URB1: variants seen among roughly 807,000 people sequenced by gnomAD.
URB1 encodes the protein URB1 ribosome biogenesis factor, also known as nucleolar pre-ribosomal-associated protein 1.
A neutral mutation model predicts 242.3 loss-of-function variants in URB1; 197 were observed. That is an observed-to-expected ratio of 0.81 (90% CI 0.72 to 0.91). The LOEUF is 0.91. Among genes scored for constraint, URB1 ranks in the 40% least tolerant of loss-of-function variants. The probability of loss-of-function intolerance (pLI) is 0.00; values close to 1 mark genes in which losing one functional copy is unlikely to be tolerated. For synonymous variants in URB1, 1,153 were observed against 1,201.8 expected, an observed-to-expected ratio of 0.96 and a Z score of 0.84; for missense variants, 2,721 against 2,860.5, an observed-to-expected ratio of 0.95 and a Z score of 1.11.
intron 22 of URB1, among the ~76,000 whole-genome samples, chr21:32,346,409 AG>A (rs1255739516): frequency 1.3e-5 from 2 of 152,274 alleles, no homozygotes; most frequent in African/African-American, 2.4e-5. Context: ...CATCAATGAT[AG>A]GAAGTTATGC....
intron 38 of URB1, 84 bp downstream of exon 38, chr21:32,316,382 T>C: frequency 1.4e-6 from 2 of 1,438,700 alleles, no homozygotes; most frequent in Non-Finnish European, 1.8e-6. Context: ...GAAACCTGAG[T>C]GTTCTAAGCA....
rs2032968844 is a variant in URB1, at chr21:32,337,148, A to G, written c.4631T>C (p.Ile1544Thr). 2 of 1,551,694 alleles carry G rather than the reference A, an allele frequency of 1.3e-6. No homozygotes were observed. The highest frequency in any genetic ancestry group is 1.4e-5 in the African/African-American group (1 of 73,014). ...CTCATACGCTCGAAGCAGAAGTAAAATCTTCTGATCTACAAGTCAAAGCAG... is the reference window on the plus strand; with the variant it reads ...CTCATACGCTCGAAGCAGAAGTAAAGTCTTCTGATCTACAAGTCAAAGCAG... ...GATLSVLDQK[I>T]LLLLRAYEQN... The change falls in exon 28 of 39, where the codon ATT becomes ACT. Residue 1544 changes from isoleucine to threonine, a missense_variant. By Grantham distance (89) the Ile-to-Thr change is moderately conservative. Coordinates refer to ENST00000382751, the MANE Select transcript of URB1 (RefSeq NM_014825.3).
intron 8 of URB1, among the ~76,000 whole-genome samples, chr21:32,368,871 T>A (rs2033375630): frequency 6.6e-6 from 1 of 152,162 alleles, no homozygotes; most frequent in African/African-American, 2.4e-5. Context: ...TTGAGTTCAA[T>A]TTGCTTTCTA....
intron 35 of URB1, among the ~76,000 whole-genome samples, chr21:32,320,190 G>A (rs2032747763): frequency 6.6e-6 from 1 of 152,200 alleles, no homozygotes; most frequent in African/African-American, 2.4e-5. Context: ...ATTCACTTCA[G>A]AGCACAGAAG....
rs143184446 is a variant in URB1 at position 32,354,574 on chromosome 21, C to G, written c.2245+285G>C. Among the ~76,000 whole-genome samples the G allele has an allele frequency of 9.8e-4, 150 of 152,292 alleles. No individual in the cohort carries two copies. The Middle Eastern group carries it at 0.01, about 10-fold the overall frequency. On this transcript the variant is annotated intron_variant, in intron 17 of 38. Transcript: ENST00000382751. The stretch of plus-strand genomic sequence containing the variant: ...ATATAAAATGAGTAGAATAATAATA[C>G]TCTTTTCTCTTGGGGTTGCTTATGA...
chr21:32,346,381 A>C (rs2033086304), intron 22 of URB1, among the ~76,000 whole-genome samples: 1 of 152,224 alleles, frequency 6.6e-6, no homozygotes, highest in Non-Finnish European at 1.5e-5. Context: ...GCACTGTCTT[A>C]CTTTTTAAAA....
chr21:32,342,154 AT>A (rs1306402651), intron 24 of URB1, among the ~76,000 whole-genome samples: 4 of 152,248 alleles, frequency 2.6e-5, no homozygotes, highest in South Asian at 2.1e-4. Context: ...TAGTCCTGTT[AT>A]TTTTTTCCTT....
rs569123456 is a variant in URB1 at position 32,326,596 on chromosome 21, G to A, written c.4961-1207C>T. Among the ~76,000 whole-genome samples the A allele has an allele frequency of 5.3e-5, 8 of 152,180 alleles. No homozygotes were observed. The South Asian group carries it at 1.7e-3, about 32-fold the overall frequency. ...GTGGGGACTCCGGTGGGAGGTGATT[G>A]GATCTCGGGGCAGATTTCCCCTTGC... On this transcript the variant is annotated intron_variant, in intron 30 of 38. Coordinates refer to ENST00000382751, the MANE Select transcript of URB1 (RefSeq NM_014825.3).
intron 18 of URB1, 68 bp downstream of exon 18, chr21:32,353,865 C>A: frequency 6.8e-7 from 1 of 1,474,420 alleles, no homozygotes; most frequent in Admixed American, 2.4e-5. Context: ...CCCCTGGAAT[C>A]CCACCTCCCA....
Position 32,317,053 on chromosome 21 carries a change from T to TC in URB1, c.6046dup (p.Asp2016GlyfsTer2), listed in dbSNP as rs1166428279. ...GGCTGGCATGACAGGCTTGTTCTTA[T>TC]CCTTGAGCATTTCTGTTAAATGCAC... On this transcript the variant is annotated frameshift_variant, in exon 38 of 39. Coordinates refer to ENST00000382751, the MANE Select transcript of URB1 (RefSeq NM_014825.3). LOFTEE classifies it high-confidence loss of function. 3 of 1,534,706 alleles carry TC rather than the reference T, an allele frequency of 2.0e-6. No individual in the cohort carries two copies. In the Admixed American group the frequency reaches 6.4e-5, roughly 33 times the overall value.
At position 32,385,577 on chromosome 21, in the gene URB1, G is replaced by A; in HGVS notation, c.250C>T (p.Leu84Phe). 3.2e-6 allele frequency: 5 copies of A among 1,552,016 alleles called. No individual in the cohort carries two copies. Among genetic ancestry groups the A allele is most frequent in the Non-Finnish European group, 4.4e-6 (5 of 1,147,062 alleles). Residue 84 changes from leucine (L) to phenylalanine (F), a missense_variant, in exon 2 of 39, where the codon CTC becomes TTC. Transcript: ENST00000382751. The stretch of plus-strand genomic sequence containing the variant: ...TCAGGTCGTTTCTCTCCACTTAGGA[G>A]CTGGAAAATTTCGACACACTCAACA... ...ISVECVEIFQ[L>F]LSGEKRPESE...
At chr21:32,372,999 A>G (rs1180522159) in intron 7 of URB1, among the ~76,000 whole-genome samples, 4 of 152,210 alleles carry the variant, frequency 2.6e-5, no homozygotes, top group African/African-American at 9.7e-5. Context: ...CTCCAAGATA[A>G]AAGGAGGTGA....
chr21:32,361,668 T>C (rs2033289860), intron 12 of URB1, among the ~76,000 whole-genome samples: 1 of 152,220 alleles, frequency 6.6e-6, no homozygotes, highest in African/African-American at 2.4e-5. Flanking sequence ...GACACAGTGC[T>C]CGCATAAAGA....
chr21:32,369,975 CAAAAAAA>C (rs34377037), intron 8 of URB1, among the ~76,000 whole-genome samples: 1 of 88,556 alleles, frequency 1.1e-5, no homozygotes, highest in East Asian at 3.3e-4. Context: ...GTCTCCATCT[CAAAAAAA>C]AAAAAAAAAA....
At position 32,347,671 on chromosome 21, in the gene URB1, C is replaced by A. The variant is rs1357218032; in HGVS notation, c.3153G>T (p.Gly1051=). 1.3e-6 allele frequency: 2 copies of A among 1,551,544 alleles called. No individual in the cohort carries two copies. The highest frequency in any genetic ancestry group is 2.4e-5 in the South Asian group (2 of 84,060). Residue 1051 remains glycine (G), a synonymous_variant, in exon 22 of 39, where the codon GGG becomes GGT. Coordinates refer to ENST00000382751, the MANE Select transcript of URB1 (RefSeq NM_014825.3). ...CACTTGCTGCCAGCAGCTGAAGGAC[C>A]CCTGCACTAAAGTGGGTGGCCAGGA... is the stretch of plus-strand genomic sequence containing the variant. ...VKLLATHFSA[G]VLQLLAASAP... is the part of the protein sequence containing the mutation.
At chr21:32,333,587 T>C (rs780881673) in intron 29 of URB1, among the ~76,000 whole-genome samples, 168 bp from the exon 30 acceptor site, 25 of 152,196 alleles carry the variant, frequency 1.6e-4, no homozygotes, top group Non-Finnish European at 2.9e-4. Context: ...AACACACAAA[T>C]CATTTATGTT....
chr21:32,383,396 G>T, intron 4 of URB1, 26 bp downstream of exon 4: 2 of 1,541,562 alleles, frequency 1.3e-6, no homozygotes, highest in South Asian at 1.2e-5. Flanking sequence ...ACCCATGGAA[G>T]GCACGAGACA....
At position 32,351,055 on chromosome 21, in the gene URB1, C is replaced by T. The variant is rs1225467963; in HGVS notation, c.2614-133G>A. 6.5e-6 allele frequency: 6 copies of T among 929,730 alleles called. No individual in the cohort carries two copies. The Admixed American group carries it at 7.4e-5, about 11-fold the overall frequency. 57.6% of individuals were successfully genotyped at this position (929,730 alleles called of 1,614,324 possible). A position where few individuals can be genotyped will look rare whatever the true frequency, so the allele number is the denominator to read the frequency against. ...CATGCTGAGATAAGACTAACGAATA[C>T]GGGACCGTGTGGCATTTTACTTCAG... is the stretch of plus-strand genomic sequence containing the variant. On this transcript the variant is annotated intron_variant, in intron 19 of 38. Transcript: ENST00000382751.
intron 4 of URB1, among the ~76,000 whole-genome samples, chr21:32,382,784 G>C (rs1364597226): frequency 6.6e-6 from 1 of 152,110 alleles, no homozygotes; most frequent in African/African-American, 2.4e-5. Flanking sequence ...CCTCTCTCAA[G>C]CTCAGGAGTC....
Sources: allele counts gnomAD v4.1 joint callset (sites outside exome capture counted in the v4.1 genomes callset), GRCh38; gene constraint gnomAD v4.1.1; transcripts MANE v1.5; gene names NCBI Gene and HGNC (gene_info 2026-07-23, HGNC 2026-07-21).